PRG2: variants seen among roughly 807,000 people sequenced by gnomAD.
PRG2 encodes the protein bone marrow proteoglycan.
PRG2 carries 23 observed loss-of-function variants against 24.7 expected under a neutral mutation model. That is an observed-to-expected ratio of 0.93 (90% CI 0.67 to 1.32). The LOEUF (loss-of-function observed/expected upper bound fraction) is 1.32, where lower values mean the gene tolerates loss of function less well. Among genes scored for constraint, PRG2 ranks in the 40% most tolerant of loss-of-function variants. The pLI is 0.00. For missense variants in PRG2, 271 were observed against 280.9 expected, an observed-to-expected ratio of 0.96 and a Z score of 0.25; for synonymous variants, 104 against 99.8, an observed-to-expected ratio of 1.04 and a Z score of -0.25.
At chr11:57,388,729 C>T in intron 3 of PRG2, 21 bp from the exon 4 acceptor site, 13 of 1,612,398 alleles carry the variant, frequency 8.1e-6, no homozygotes, top group Admixed American at 1.7e-5. Context: ...GGATAAAAGA[C>T]AAAGAATGGA....
rs1590656281 is a variant in PRG2 at position 57,387,823 on chromosome 11, T to C, written c.541A>G (p.Asn181Asp). The C allele has an allele frequency of 6.3e-7, 1 of 1,582,242 alleles. No homozygotes were observed. Among genetic ancestry groups the C allele is most frequent in the East Asian group, 2.3e-5 (1 of 43,922 alleles). ...TGGTGAGCAGCCCAGTATGCAAAGTTCCAGCGGCTGCCGTCAACCCACTGA... is the reference window on the plus strand; with the variant it reads ...TGGTGAGCAGCCCAGTATGCAAAGTCCCAGCGGCTGCCGTCAACCCACTGA... ...RFQWVDGSRW[N>D]FAYWAAHQPW... The change falls in exon 5 of 6, where the codon AAC becomes GAC. Residue 181 changes from asparagine to aspartate, a missense_variant. Coordinates refer to ENST00000311862, the MANE Select transcript of PRG2 (RefSeq NM_002728.6).
intron 3 of PRG2, 87 bp from the exon 4 acceptor site, chr11:57,388,795 C>T (rs548782883): frequency 6.5e-7 from 1 of 1,539,502 alleles, no homozygotes; most frequent in Non-Finnish European, 8.8e-7. Flanking sequence ...TCATTCCCTC[C>T]CTCCCCTGCC....
intron 2 of PRG2, among the ~76,000 whole-genome samples, chr11:57,389,657 T>C (rs1857120432): frequency 6.6e-6 from 1 of 152,042 alleles, no homozygotes; most frequent in African/African-American, 2.4e-5. Context: ...GTAAGCATAA[T>C]GGAGAAAGGA....
At position 57,387,223 on chromosome 11, in the gene PRG2, C is replaced by T; in HGVS notation, c.*252G>A. On this transcript the variant is annotated 3_prime_UTR_variant, in exon 6 of 6. Coordinates refer to ENST00000311862, the MANE Select transcript of PRG2 (RefSeq NM_002728.6). ...TCTCCAAAAGGCTCCATAGACCCAACTCCACCCTCCATCCTCCTCCTCAAG... is the reference window on the plus strand; with the variant it reads ...TCTCCAAAAGGCTCCATAGACCCAATTCCACCCTCCATCCTCCTCCTCAAG... 2 of 444,820 alleles carry T rather than the reference C, an allele frequency of 4.5e-6. No homozygotes were observed. Among genetic ancestry groups the T allele is most frequent in the South Asian group, 3.2e-5 (1 of 31,134 alleles). The allele number at this position is 444,820 out of a possible 1,614,324, so 27.6% of individuals were successfully genotyped here. A position where few individuals can be genotyped will look rare whatever the true frequency, so the allele number is the denominator to read the frequency against.
chr11:57,388,822 T>G (rs1454985208), intron 3 of PRG2, 114 bp from the exon 4 acceptor site: 11 of 1,493,862 alleles, frequency 7.4e-6, no homozygotes, highest in Non-Finnish European at 9.9e-6. Flanking sequence ...ATTTGAAGGT[T>G]GGAGACCAAA....
Position 57,388,587 on chromosome 11 carries a change from A to G in PRG2, c.488T>C (p.Ile163Thr). 20 of 1,613,896 alleles carry G rather than the reference A, an allele frequency of 1.2e-5. No individual in the cohort carries two copies. Among genetic ancestry groups the G allele is most frequent in the Non-Finnish European group, 1.6e-5 (19 of 1,179,844 alleles). ...NQGQVWIGGR[I>T]TGSGRCRRFQ... is the part of the protein sequence containing the mutation. ...TCACACTTCTCTTACCGAGCCTGTG[A>G]TCCTGCCTCCAATCCAGACTTGACC... Residue 163 changes from isoleucine (I) to threonine (T), a missense_variant, in exon 4 of 6, where the codon ATC (isoleucine) becomes ACC (threonine). Ile to Thr is a moderately conservative substitution (Grantham distance 89, BLOSUM62 -1). Coordinates refer to ENST00000311862, the MANE Select transcript of PRG2 (RefSeq NM_002728.6).
At chr11:57,390,322 G>T (rs1857133185) in intron 1 of PRG2, among the ~76,000 whole-genome samples, 1 of 152,076 alleles carries the variant, frequency 6.6e-6, no homozygotes, top group Non-Finnish European at 1.5e-5. Context: ...GAACACATAG[G>T]ACTTAGAAGG....
Position 57,389,334 on chromosome 11 carries a change from C to T in PRG2, c.59-17G>A, listed in dbSNP as rs1256635332. On this transcript the variant is annotated splice_polypyrimidine_tract_variant and intron_variant, in intron 2 of 5. Transcript: ENST00000311862. ...TCTCAGACCCTGGCAGGGAGGATAGCTAAGTGTCCTTCCTTCACATCTCCC... is the reference window on the plus strand; with the variant it reads ...TCTCAGACCCTGGCAGGGAGGATAGTTAAGTGTCCTTCCTTCACATCTCCC... 1 of 1,602,900 alleles carries T rather than the reference C, an allele frequency of 6.2e-7. No homozygotes were observed. Among genetic ancestry groups the T allele is most frequent in the South Asian group, 1.1e-5 (1 of 90,718 alleles).
At chr11:57,388,438 C>G (rs1857089494) in intron 4 of PRG2, 139 bp downstream of exon 4, 1 of 1,331,826 alleles carries the variant, frequency 7.5e-7, no homozygotes, top group Non-Finnish European at 1.0e-6. Flanking sequence ...AGGCAGCCCC[C>G]TCAGTGTTGT....
In PRG2 at chr11:57,389,319, T is replaced by C. The variant is rs148960164; in HGVS notation, c.59-2A>G. 1 of 1,609,532 alleles carries C rather than the reference T, an allele frequency of 6.2e-7. No individual in the cohort carries two copies. The highest frequency in any genetic ancestry group is 8.5e-7 in the Non-Finnish European group (1 of 1,179,452). ...TCTCAAAGGTGGAAGTCTCAGACCC[T>C]GGCAGGGAGGATAGCTAAGTGTCCT... On this transcript the variant is annotated splice_acceptor_variant, in intron 2 of 5. Transcript: ENST00000311862. LOFTEE classifies it high-confidence loss of function.
At position 57,388,749 on chromosome 11, in the gene PRG2, C is replaced by T. The variant is rs781192668; in HGVS notation, c.367-41G>A. 5 of 1,606,848 alleles carry T rather than the reference C, an allele frequency of 3.1e-6. No homozygotes were observed. The Admixed American group carries it at 6.7e-5, about 21-fold the overall frequency. On this transcript the variant is annotated intron_variant, in intron 3 of 5. Coordinates refer to ENST00000311862, the MANE Select transcript of PRG2 (RefSeq NM_002728.6). Reference sequence around the variant, plus strand: ...AAAGACAAAGAATGGAGCATCCTTCCTACATGAATTCACATGGGTCTTGAG... The same window carrying T: ...AAAGACAAAGAATGGAGCATCCTTCTTACATGAATTCACATGGGTCTTGAG...
Position 57,387,816 on chromosome 11 carries a change from G to C in PRG2, c.548C>G (p.Ala183Gly). Reference protein sequence around the residue: ...QWVDGSRWNFAYWAAHQPWSR... With the variant: ...QWVDGSRWNFGYWAAHQPWSR... Reference sequence around the variant, plus strand: ...CCAGGGCTGGTGAGCAGCCCAGTATGCAAAGTTCCAGCGGCTGCCGTCAAC... The same window carrying C: ...CCAGGGCTGGTGAGCAGCCCAGTATCCAAAGTTCCAGCGGCTGCCGTCAAC... The change falls in exon 5 of 6, where the codon GCA becomes GGA. Residue 183 changes from alanine to glycine, a missense_variant. Coordinates refer to ENST00000311862, the MANE Select transcript of PRG2 (RefSeq NM_002728.6). 3 of 1,585,272 alleles carry C rather than the reference G, an allele frequency of 1.9e-6. No individual in the cohort carries two copies. Among genetic ancestry groups the C allele is most frequent in the Non-Finnish European group, 2.6e-6 (3 of 1,166,152 alleles).
Position 57,387,773 on chromosome 11 carries a change from G to T in PRG2, c.591C>A (p.Cys197Ter). 6.3e-7 allele frequency: 1 copy of T among 1,588,296 alleles called. No homozygotes were observed. The highest frequency in any genetic ancestry group is 8.6e-7 in the Non-Finnish European group (1 of 1,167,894). Reference sequence around the variant, plus strand: ...CCTCACCTCGGGTACACAGGGCCACGCAGTGACCACCGCGGGACCAGGGCT... The same window carrying T: ...CCTCACCTCGGGTACACAGGGCCACTCAGTGACCACCGCGGGACCAGGGCT... ...AHQPWSRGGH[C>*]VALCTRGGHW... Residue 197 changes from cysteine to a stop codon, truncating the protein, a stop_gained, in exon 5 of 6, where the codon TGC becomes TGA. Transcript: ENST00000311862. LOFTEE classifies it low-confidence loss of function (END_TRUNC).
intron 1 of PRG2, 118 bp from the exon 2 acceptor site, chr11:57,390,074 A>C: frequency 6.0e-6 from 5 of 827,962 alleles, no homozygotes; most frequent in East Asian, 2.6e-5. Context: ...CTGAATAGAA[A>C]TCAGGATGGG....
chr11:57,389,706 C>T (rs557265702), intron 2 of PRG2, among the ~76,000 whole-genome samples, 181 bp downstream of exon 2: 2 of 152,318 alleles, frequency 1.3e-5, no homozygotes, highest in South Asian at 4.1e-4. Context: ...AGACCACAGA[C>T]ATAACAGACG....
Position 57,387,477 on chromosome 11 carries a change from AG to A in PRG2, c.666del (p.Ter223GlufsTer69). The A allele has an allele frequency of 6.2e-7, 1 of 1,613,854 alleles. No individual in the cohort carries two copies. Among genetic ancestry groups the A allele is most frequent in the Non-Finnish European group, 8.5e-7 (1 of 1,179,862 alleles). On this transcript the variant is annotated frameshift_variant, in exon 6 of 6. Coordinates refer to ENST00000311862, the MANE Select transcript of PRG2 (RefSeq NM_002728.6). LOFTEE classifies it high-confidence loss of function. ...CLRRLPFICS[Y>X] ...CTGAACTGCTGGCTGGGACCAGCTC[AG>A]TAGGAACAGATGAAAGGAAGTCTTC...
chr11:57,387,610 AC>A, intron 5 of PRG2, 77 bp from the exon 6 acceptor site: 1 of 1,461,342 alleles, frequency 6.8e-7, no homozygotes, highest in East Asian at 2.3e-5. Flanking sequence ...CTCTTTTCCC[AC>A]CCACACACTG....
chr11:57,390,610 TC>T lies in PRG2; in HGVS notation c.-28del. 1 of 985,564 alleles carries T rather than the reference TC, an allele frequency of 1.0e-6. No homozygotes were observed. Among genetic ancestry groups the T allele is most frequent in the Non-Finnish European group, 1.2e-6 (1 of 829,986 alleles). The allele number at this position is 985,564 out of a possible 1,614,324, so 61.1% of individuals were successfully genotyped here. A position where few individuals can be genotyped will look rare whatever the true frequency, so the allele number is the denominator to read the frequency against. On this transcript the variant is annotated 5_prime_UTR_variant, in exon 1 of 6. Transcript: ENST00000311862. ...AAAGCACTCACCCACCCAGAGACCTTCCTGGGTCTTTAGATCTTCCCAAAGC... is the reference window on the plus strand; with the variant it reads ...AAAGCACTCACCCACCCAGAGACCTTCTGGGTCTTTAGATCTTCCCAAAGC...
At position 57,387,370 on chromosome 11, in the gene PRG2, G is replaced by T; in HGVS notation, c.*105C>A. On this transcript the variant is annotated 3_prime_UTR_variant, in exon 6 of 6. Transcript: ENST00000311862. ...CAGAGGAGAAAATAAATCCATTTCA[G>T]TAAAACCCATTTTATTGCAGGGAGG... 1 of 1,020,304 alleles carries T rather than the reference G, an allele frequency of 9.8e-7. No individual in the cohort carries two copies. Among genetic ancestry groups the T allele is most frequent in the Non-Finnish European group, 1.5e-6 (1 of 676,088 alleles). The allele number at this position is 1,020,304 out of a possible 1,614,324, so 63.2% of individuals were successfully genotyped here. A position where few individuals can be genotyped will look rare whatever the true frequency, so the allele number is the denominator to read the frequency against.
Sources: gnomAD v4.1 joint callset for allele counts (sites outside exome capture counted in the v4.1 genomes callset) on GRCh38, gnomAD v4.1.1 for gene constraint, MANE v1.5 for transcripts, NCBI Gene and HGNC (gene_info 2026-07-23, HGNC 2026-07-21) for gene names.